MXI1: variants seen among roughly 807,000 people sequenced by gnomAD.
The protein encoded by MXI1 is MAX interactor 1, dimerization protein.
MXI1 carries 18 observed loss-of-function variants against 36.9 expected under a neutral mutation model. The observed-to-expected ratio is 0.49, with a 90% CI of 0.34 to 0.72. The LOEUF is 0.72. MXI1 is among the 30% of genes least tolerant of loss of function. The pLI is 0.01. For synonymous variants in MXI1, 160 were observed against 146.7 expected, an observed-to-expected ratio of 1.09 and a Z score of -0.65; for missense variants, 304 against 379.1, an observed-to-expected ratio of 0.80 and a Z score of 1.64.
At chr10:110,284,688 C>T (rs1857380060) in intron 5 of MXI1, 136 bp from the exon 6 acceptor site, 3 of 830,694 alleles carry the variant, frequency 3.6e-6, no homozygotes, top group South Asian at 4.1e-5. Flanking sequence ...CACCTTGTTC[C>T]TCTGTTCTCC....
intron 5 of MXI1, among the ~76,000 whole-genome samples, chr10:110,283,786 T>A (rs1426690523): frequency 1.3e-5 from 2 of 151,874 alleles, no homozygotes; most frequent in African/African-American, 4.8e-5. Context: ...AAGATTTTTT[T>A]TTTTATTTTT....
chr10:110,227,657 C>A, intron 1 of MXI1: 1 of 647,172 alleles, frequency 1.5e-6, no homozygotes, highest in Non-Finnish European at 1.9e-6. Flanking sequence ...CTTTGAATAC[C>A]TGCGGGGTGA....
At chr10:110,281,598 A>G (rs1478733860) in intron 5 of MXI1, among the ~76,000 whole-genome samples, 1 of 152,232 alleles carries the variant, frequency 6.6e-6, no homozygotes, top group Non-Finnish European at 1.5e-5. Flanking sequence ...TGGCAGAGAA[A>G]ACATGAAGGA....
chr10:110,228,800 G>A (rs1230463584), intron 2 of MXI1, among the ~76,000 whole-genome samples: 1 of 152,216 alleles, frequency 6.6e-6, no homozygotes, highest in African/African-American at 2.4e-5. Flanking sequence ...GGAAGACCAT[G>A]CTGTGAAAGT....
At chr10:110,251,513 T>G (rs1275337027) in intron 3 of MXI1, among the ~76,000 whole-genome samples, 2 of 152,194 alleles carry the variant, frequency 1.3e-5, no homozygotes, top group Non-Finnish European at 2.9e-5. Flanking sequence ...ATAGTGTTTT[T>G]CATACTGAAA....
At chr10:110,261,219 T>TGGCAGATTATCAAAGCAG in intron 3 of MXI1, 1 of 802,390 alleles carries the variant, frequency 1.2e-6, no homozygotes, top group Non-Finnish European at 1.5e-6. Flanking sequence ...CCTCACTGCT[T>TGGCAGATTATCAAAGCAG]TGATAATCTG....
intron 5 of MXI1, among the ~76,000 whole-genome samples, chr10:110,280,504 T>C (rs1024382722): frequency 3.6e-4 from 55 of 151,598 alleles, no homozygotes; most frequent in Middle Eastern, 3.4e-3. Context: ...CATGGTAAAA[T>C]CCTGTCTCTA....
chr10:110,228,266 T>G lies in MXI1; in HGVS notation c.352T>G (p.Leu118Val). The change falls in exon 2 of 6, where the codon TTG (leucine) becomes GTG (valine). Residue 118 changes from leucine (L) to valine (V), a missense_variant. Leu to Val is a conservative substitution (Grantham distance 32, BLOSUM62 1). This residue lies in a region of MXI1 where 179 missense variants were observed against 184.8 expected (regional missense o/e 0.97). Coordinates refer to ENST00000332674, the MANE Select transcript of MXI1 (RefSeq NM_130439.3). ...RLQHSKPPRRLSRAQKHSSGS... is the reference protein window; with the variant it reads ...RLQHSKPPRRVSRAQKHSSGS... ...GCAGCATTCAAAGCCCCCACGGAGG[T>G]TGAGCCGGGCACAGAAACACAGCAG... 6.2e-7 allele frequency: 1 copy of G among 1,613,908 alleles called. No homozygotes were observed. The highest frequency in any genetic ancestry group is 1.1e-5 in the South Asian group (1 of 91,058).
At chr10:110,228,492 G>A (rs1190158740) in intron 2 of MXI1, among the ~76,000 whole-genome samples, 171 bp downstream of exon 2, 1 of 152,174 alleles carries the variant, frequency 6.6e-6, no homozygotes. Context: ...TTGCATGGAA[G>A]GAAAGGAATA....
chr10:110,227,428 GT>G, intron 1 of MXI1: 1 of 989,576 alleles, frequency 1.0e-6, no homozygotes, highest in Non-Finnish European at 1.2e-6. Context: ...GGGTGGGGCT[GT>G]GGGTGTGCGG....
chr10:110,253,882 G>A (rs1856188987), intron 3 of MXI1, among the ~76,000 whole-genome samples: 1 of 151,978 alleles, frequency 6.6e-6, no homozygotes, highest in African/African-American at 2.4e-5. Context: ...CAAACCCACA[G>A]CTTATGGCAC....
chr10:110,267,905 A>C (rs1856730135), intron 3 of MXI1, among the ~76,000 whole-genome samples: 1 of 152,228 alleles, frequency 6.6e-6, no homozygotes, highest in Non-Finnish European at 1.5e-5. Context: ...CCAAAATGTC[A>C]AAGTGTCCTT....
chr10:110,260,457 GTA>G (rs1398947601), intron 3 of MXI1, among the ~76,000 whole-genome samples: 4 of 128,206 alleles, frequency 3.1e-5, no homozygotes, highest in South Asian at 2.5e-4. Flanking sequence ...GTGTGTGTGT[GTA>G]TACGCCCACA....
intron 3 of MXI1, among the ~76,000 whole-genome samples, chr10:110,262,100 G>A (rs1856533486): frequency 6.6e-6 from 1 of 152,074 alleles, no homozygotes; most frequent in Admixed American, 6.6e-5. Flanking sequence ...ATCACATACA[G>A]TTGGCTCTTG....
intron 1 of MXI1, among the ~76,000 whole-genome samples, chr10:110,215,043 GTTTTTTTTTTTT>G (rs200181611): frequency 3.8e-5 from 3 of 78,906 alleles, no homozygotes; most frequent in East Asian, 6.3e-4. Context: ...TTTTTTTTTT[GTTTTTTTTTTTT>G]TTTTGAGATG....
intron 1 of MXI1, among the ~76,000 whole-genome samples, chr10:110,222,881 T>C (rs925634738): frequency 1.3e-5 from 2 of 152,228 alleles, no homozygotes; most frequent in Non-Finnish European, 2.9e-5. Flanking sequence ...GAGGCCCTTA[T>C]AGCTGATGTC....
rs1161100210 is a variant in MXI1, at chr10:110,287,355, T to C, written c.*2368T>C. On this transcript the variant is annotated 3_prime_UTR_variant, in exon 6 of 6. Coordinates refer to ENST00000332674, the MANE Select transcript of MXI1 (RefSeq NM_130439.3). ...AGTTAATTGGAAGAAATAAAAACTG[T>C]GAACGAAGAATACCTTTCTTTTTGT... 6.6e-6 allele frequency: 1 copy of C among 152,206 alleles called. No individual in the cohort carries two copies. Among genetic ancestry groups the C allele is most frequent in the East Asian group, 1.9e-4 (1 of 5,196 alleles). 9.4% of individuals were successfully genotyped at this position (152,206 alleles called of 1,614,324 possible).
intron 3 of MXI1, among the ~76,000 whole-genome samples, chr10:110,264,990 A>G (rs961181755): frequency 2.0e-5 from 3 of 152,042 alleles, no homozygotes; most frequent in African/African-American, 7.2e-5. Flanking sequence ...TAGAAATGGT[A>G]TACAGAACTG....
intron 3 of MXI1, among the ~76,000 whole-genome samples, chr10:110,268,945 C>G (rs901642592): frequency 6.6e-6 from 1 of 152,130 alleles, no homozygotes; most frequent in African/African-American, 2.4e-5. Context: ...TTATTAACAA[C>G]AACAACAACA....
Sources: gnomAD v4.1 joint callset for allele counts (sites outside exome capture counted in the v4.1 genomes callset) on GRCh38, gnomAD v4.1.1 for gene constraint, gnomAD v4.1.1 regional missense constraint, MANE v1.5 for transcripts, NCBI Gene and HGNC (gene_info 2026-07-23, HGNC 2026-07-21) for gene names.